PTPN13: variants seen among roughly 807,000 people sequenced by gnomAD.
The protein encoded by PTPN13 is protein tyrosine phosphatase non-receptor type 13.
A neutral mutation model predicts 284.0 loss-of-function variants in PTPN13; 191 were observed. The observed-to-expected ratio is 0.67, with a 90% CI of 0.60 to 0.76. The LOEUF (loss-of-function observed/expected upper bound fraction) is 0.76, where lower values mean the gene tolerates loss of function less well. PTPN13 is among the 30% of genes least tolerant of loss of function. The probability of loss-of-function intolerance (pLI) is 0.00; values close to 1 mark genes in which losing one functional copy is unlikely to be tolerated. For synonymous variants in PTPN13, 986 were observed against 1,022.3 expected, an observed-to-expected ratio of 0.96 and a Z score of 0.68; for missense variants, 2,797 against 2,939.9, an observed-to-expected ratio of 0.95 and a Z score of 1.12.
Position 86,656,396 on chromosome 4 carries a change from A to T in PTPN13, c.116-15969A>T, listed in dbSNP as rs151039348. On this transcript the variant is annotated intron_variant, in intron 2 of 47. Transcript: ENST00000411767. ...TTTTATCTACCTTTGGTCTTTGATG[A>T]TGGTGACGTACAGATGGGGTTTTGG... Among the ~76,000 whole-genome samples the T allele has an allele frequency of 1.2e-3, 184 of 152,234 alleles. 6 individuals are homozygous for T. In the East Asian group the frequency reaches 0.019, roughly 15 times the overall value.
At chr4:86,715,948 C>T in intron 7 of PTPN13, among the ~76,000 whole-genome samples, 1 of 152,200 alleles carries the variant, frequency 6.6e-6, no homozygotes, top group Non-Finnish European at 1.5e-5. Flanking sequence ...ACAGTGCACA[C>T]TCTGCACAAA....
intron 1 of PTPN13, among the ~76,000 whole-genome samples, chr4:86,621,428 A>G (rs575471372): frequency 6.6e-6 from 1 of 152,310 alleles, no homozygotes; most frequent in East Asian, 1.9e-4. Context: ...TTAGTGAAAT[A>G]TGTGTCCACA....
intron 1 of PTPN13, among the ~76,000 whole-genome samples, chr4:86,623,806 T>C (rs915281243): frequency 2.6e-5 from 4 of 152,092 alleles, no homozygotes; most frequent in Non-Finnish European, 5.9e-5. Flanking sequence ...AGGGCTTCCT[T>C]GATTGTTATA....
chr4:86,598,806 C>G (rs1373975116), intron 1 of PTPN13, among the ~76,000 whole-genome samples: 1 of 151,850 alleles, frequency 6.6e-6, no homozygotes, highest in East Asian at 1.9e-4. Context: ...ACTCTGTCAC[C>G]CAGGCTAGAA....
chr4:86,772,495 A>T (rs1740114585), intron 31 of PTPN13, among the ~76,000 whole-genome samples: 1 of 152,172 alleles, frequency 6.6e-6, no homozygotes, highest in Admixed American at 6.5e-5. Flanking sequence ...CAGAGGCTGC[A>T]GTGAGCCGAG....
intron 2 of PTPN13, among the ~76,000 whole-genome samples, chr4:86,650,280 T>C (rs1172538495): frequency 6.6e-6 from 1 of 152,028 alleles, no homozygotes. Context: ...AGCTACAACG[T>C]CTGGCCTTCA....
At position 86,746,007 on chromosome 4, in the gene PTPN13, G is replaced by T. The variant is rs113519290; in HGVS notation, c.2650+879G>T. ...TGGGGGAAGTATGCACCCAGAACAGGACAGTGAAGAGACACACTGTATAGT... is the reference window on the plus strand; with the variant it reads ...TGGGGGAAGTATGCACCCAGAACAGTACAGTGAAGAGACACACTGTATAGT... On this transcript the variant is annotated intron_variant, in intron 17 of 47. Transcript: ENST00000411767. Among the ~76,000 whole-genome samples the T allele has an allele frequency of 6.5e-3, 997 of 152,222 alleles. 13 individuals carry two copies. The highest frequency in any genetic ancestry group is 0.023 in the African/African-American group (960 of 41,530).
At chr4:86,756,580 C>T (rs1737992427) in intron 20 of PTPN13, among the ~76,000 whole-genome samples, 1 of 152,036 alleles carries the variant, frequency 6.6e-6, no homozygotes, top group Non-Finnish European at 1.5e-5. Flanking sequence ...ATATACTCTA[C>T]AGAGATCTAG....
intron 33 of PTPN13, among the ~76,000 whole-genome samples, 154 bp from the exon 34 acceptor site, chr4:86,775,016 TA>T (rs1740462243): frequency 6.6e-6 from 1 of 152,164 alleles, no homozygotes; most frequent in Non-Finnish European, 1.5e-5. Context: ...ATTTCCATAA[TA>T]AAGGGGATTA....
At chr4:86,809,677 C>A in intron 45 of PTPN13, 92 bp from the exon 46 acceptor site, 1 of 1,207,660 alleles carries the variant, frequency 8.3e-7, no homozygotes. Flanking sequence ...GACAACAGAA[C>A]GAGACCCTAT....
At chr4:86,634,786 T>A (rs921489725) in intron 1 of PTPN13, among the ~76,000 whole-genome samples, 1 of 152,174 alleles carries the variant, frequency 6.6e-6, no homozygotes, top group Non-Finnish European at 1.5e-5. Flanking sequence ...AACTAAAGAA[T>A]GAAAGAAATG....
chr4:86,691,149 C>G (rs1729980830), intron 5 of PTPN13, among the ~76,000 whole-genome samples: 1 of 151,714 alleles, frequency 6.6e-6, no homozygotes, highest in Non-Finnish European at 1.5e-5. Context: ...ACTACTTGAG[C>G]CTGGGAGGTC....
chr4:86,633,297 T>C lies in PTPN13; in HGVS notation c.-5-1955T>C, dbSNP rs1057352230. ...GAAGTATAGCTGGCTTCTGATACAG[T>C]ATGTCTCCTCACTCTTGTGTGCCCT... On this transcript the variant is annotated intron_variant, in intron 1 of 47. Coordinates refer to ENST00000411767, the MANE Select transcript of PTPN13 (RefSeq NM_080683.3). Among the ~76,000 whole-genome samples the C allele has an allele frequency of 5.3e-5, 8 of 152,268 alleles. No homozygotes were observed. The East Asian group carries it at 1.4e-3, about 26-fold the overall frequency.
chr4:86,704,720 A>T (rs1421893083), intron 7 of PTPN13, among the ~76,000 whole-genome samples: 2 of 152,230 alleles, frequency 1.3e-5, no homozygotes, highest in African/African-American at 4.8e-5. Context: ...ATATAGGACA[A>T]TCTTGAAATC....
In PTPN13 at chr4:86,769,847, C is replaced by T. The variant is rs370142646; in HGVS notation, c.4568C>T (p.Pro1523Leu). Residue 1523 changes from proline to leucine, a missense_variant, in exon 29 of 48, where the codon CCG becomes CTG. Pro to Leu is a moderately conservative substitution (Grantham distance 98, BLOSUM62 -3). Coordinates refer to ENST00000411767, the MANE Select transcript of PTPN13 (RefSeq NM_080683.3). Reference protein sequence around the residue: ...FSFSREDNLIPEQINASIVRV... With the variant: ...FSFSREDNLILEQINASIVRV... The stretch of plus-strand genomic sequence containing the variant: ...TTTTCTCGAGAAGATAATCTTATAC[C>T]GGAGCAAATTAATGCCAGCATAGTA... 39 of 1,613,518 alleles carry T rather than the reference C, an allele frequency of 2.4e-5. No homozygotes were observed. The highest frequency in any genetic ancestry group is 7.7e-5 in the South Asian group (7 of 91,054).
chr4:86,803,260 A>G (rs777251440), intron 42 of PTPN13, among the ~76,000 whole-genome samples: 8 of 150,662 alleles, frequency 5.3e-5, no homozygotes, highest in Non-Finnish European at 1.0e-4. Flanking sequence ...ATATACACAC[A>G]CACATATATA....
chr4:86,643,383 A>C (rs1443915567), intron 2 of PTPN13, among the ~76,000 whole-genome samples: 2 of 152,174 alleles, frequency 1.3e-5, no homozygotes, highest in African/African-American at 2.4e-5. Context: ...TAATTATTTC[A>C]CTGTATTTCA....
At chr4:86,641,356 G>C (rs143192640) in intron 2 of PTPN13, among the ~76,000 whole-genome samples, 3 of 151,948 alleles carry the variant, frequency 2.0e-5, no homozygotes, top group African/African-American at 7.2e-5. Context: ...TCTTGAACTT[G>C]TACGTTGTTC....
chr4:86,601,284 C>G (rs1764274138), intron 1 of PTPN13, among the ~76,000 whole-genome samples: 1 of 152,038 alleles, frequency 6.6e-6, no homozygotes, highest in East Asian at 1.9e-4. Flanking sequence ...CCAGATAAAA[C>G]TATTGTAGCT....
Sources: gnomAD v4.1 joint callset for allele counts (sites outside exome capture counted in the v4.1 genomes callset) on GRCh38, gnomAD v4.1.1 for gene constraint, MANE v1.5 for transcripts, NCBI Gene and HGNC (gene_info 2026-07-23, HGNC 2026-07-21) for gene names.